The following MXI1 variants were observed in gnomAD, a reference collection of about 807,000 sequenced individuals.
MXI1 encodes MAX interactor 1, dimerization protein.
A neutral mutation model predicts 36.9 loss-of-function variants in MXI1; 18 were observed. The observed-to-expected ratio is 0.49, with a 90% CI of 0.34 to 0.72. MXI1 has a LOEUF of 0.72. Among genes scored for constraint, MXI1 ranks in the 30% least tolerant of loss-of-function variants. MXI1 has a pLI of 0.01. For missense variants in MXI1, 304 were observed against 379.1 expected, an observed-to-expected ratio of 0.80 and a Z score of 1.64; for synonymous variants, 160 against 146.7, an observed-to-expected ratio of 1.09 and a Z score of -0.65.
At chr10:110,261,034 T>C (rs1014255327) in intron 3 of MXI1, 1 of 984,932 alleles carries the variant, frequency 1.0e-6, no homozygotes, top group African/African-American at 1.7e-5. Context: ...CTGGATGGAG[T>C]GAGCCATATA....
rs1590419659 is a variant in MXI1, at chr10:110,285,968, A to G, written c.*981A>G. 2 of 152,632 alleles carry G rather than the reference A, an allele frequency of 1.3e-5. No individual in the cohort carries two copies. The highest frequency in any genetic ancestry group is 4.8e-5 in the African/African-American group (2 of 41,454). The allele number at this position is 152,632 out of a possible 1,614,324, so 9.5% of individuals were successfully genotyped here. ...CCATAAAAAAAAATAGATGTCTTTT[A>G]TAGTGGAAAAACACATGGGGAAAAA... On this transcript the variant is annotated 3_prime_UTR_variant, in exon 6 of 6. Coordinates refer to ENST00000332674, the MANE Select transcript of MXI1 (RefSeq NM_130439.3).
intron 2 of MXI1, among the ~76,000 whole-genome samples, chr10:110,234,394 G>A (rs929275227): frequency 6.6e-6 from 1 of 151,994 alleles, no homozygotes; most frequent in Non-Finnish European, 1.5e-5. Context: ...TGCATTTTTT[G>A]TTAGATTGTT....
intron 1 of MXI1, among the ~76,000 whole-genome samples, chr10:110,211,579 C>A (rs1404371353): frequency 6.6e-6 from 1 of 152,216 alleles, no homozygotes; most frequent in Non-Finnish European, 1.5e-5. Flanking sequence ...CAGGAGCTTG[C>A]CTTATTTTCC....
rs751153428 is a variant in MXI1 at position 110,255,578 on chromosome 10, A to G, written c.437+10721A>G. Among the ~76,000 whole-genome samples the G allele has an allele frequency of 2.0e-5, 3 of 152,344 alleles. No homozygotes were observed. The East Asian group carries it at 5.8e-4, about 29-fold the overall frequency. ...TACATGTACAATAGCATCTAAAAGAATAAAATACCTAGGAATAAATGTAAC... is the reference window on the plus strand; with the variant it reads ...TACATGTACAATAGCATCTAAAAGAGTAAAATACCTAGGAATAAATGTAAC... On this transcript the variant is annotated intron_variant, in intron 3 of 5. Coordinates refer to ENST00000332674, the MANE Select transcript of MXI1 (RefSeq NM_130439.3).
chr10:110,281,379 C>A (rs1222823284), intron 5 of MXI1, among the ~76,000 whole-genome samples: 1 of 152,114 alleles, frequency 6.6e-6, no homozygotes, highest in Non-Finnish European at 1.5e-5. Context: ...TTAATATCAT[C>A]TAATACCCAG....
intron 2 of MXI1, among the ~76,000 whole-genome samples, chr10:110,235,610 C>T (rs1855430576): frequency 6.6e-6 from 1 of 151,328 alleles, no homozygotes; most frequent in African/African-American, 2.4e-5. Context: ...ATGGTGTGAA[C>T]CCAAGAGGCA....
intron 3 of MXI1, chr10:110,261,003 T>G (rs1856492304): frequency 1.0e-6 from 1 of 985,206 alleles, no homozygotes; most frequent in Non-Finnish European, 1.2e-6. Context: ...CATCAGTCAC[T>G]TTAATAGGCT....
intron 1 of MXI1, chr10:110,227,585 G>GA (rs943986524): frequency 5.1e-6 from 5 of 978,110 alleles, no homozygotes; most frequent in Non-Finnish European, 6.1e-6. Context: ...ATGCTGGGGG[G>GA]GGTCAGGGGA....
At chr10:110,236,706 C>T (rs1411517041) in intron 2 of MXI1, among the ~76,000 whole-genome samples, 1 of 152,152 alleles carries the variant, frequency 6.6e-6, no homozygotes, top group Non-Finnish European at 1.5e-5. Context: ...TGCAGTCCTG[C>T]CACCTCTACC....
intron 1 of MXI1, among the ~76,000 whole-genome samples, chr10:110,221,964 C>T (rs970366744): frequency 6.6e-6 from 1 of 152,174 alleles, no homozygotes; most frequent in African/African-American, 2.4e-5. Context: ...TTACGTCATC[C>T]CTTCTAGACC....
intron 2 of MXI1, among the ~76,000 whole-genome samples, chr10:110,244,289 C>T (rs7916275): frequency 7.8e-4 from 119 of 151,918 alleles, no homozygotes; most frequent in African/African-American, 2.9e-3. Context: ...AATTTTCTTT[C>T]ATGTATAACT....
At chr10:110,226,469 G>GA (rs1564708066) in intron 1 of MXI1, 1 of 200,260 alleles carries the variant, frequency 5.0e-6, no homozygotes, top group African/African-American at 8.5e-5. Flanking sequence ...GGCGTGTGGG[G>GA]AGGGGAGCGC....
chr10:110,284,476 T>C (rs1857372756), intron 5 of MXI1, among the ~76,000 whole-genome samples: 1 of 152,230 alleles, frequency 6.6e-6, no homozygotes. Flanking sequence ...AGAATTAGTT[T>C]GTGGTTTAAT....
In MXI1 at chr10:110,207,761, G is replaced by A. The variant is rs924734059; in HGVS notation, c.-48G>A. 5.4e-6 allele frequency: 6 copies of A among 1,119,204 alleles called. No homozygotes were observed. The highest frequency in any genetic ancestry group is 6.6e-6 in the Non-Finnish European group (6 of 912,666). The allele number at this position is 1,119,204 out of a possible 1,614,324, so 69.3% of individuals were successfully genotyped here. A position where few individuals can be genotyped will look rare whatever the true frequency, so the allele number is the denominator to read the frequency against. ...CCCTGGGGGCCCGGAGCTCGGCCGG[G>A]CCGCGCAGCCCCGTTAGAGGACGAG... On this transcript the variant is annotated 5_prime_UTR_variant, in exon 1 of 6. Transcript: ENST00000332674.
chr10:110,246,590 AG>A (rs1212568439), intron 3 of MXI1, among the ~76,000 whole-genome samples: 1 of 152,192 alleles, frequency 6.6e-6, no homozygotes, highest in Non-Finnish European at 1.5e-5. Context: ...CTGAATAGGT[AG>A]CATTGTAATT....
intron 3 of MXI1, among the ~76,000 whole-genome samples, chr10:110,276,702 G>T (rs1857043184): frequency 6.6e-6 from 1 of 152,000 alleles, no homozygotes. Context: ...AATGATTAAA[G>T]AGAGAAAAAA....
At chr10:110,266,598 G>C (rs184458263) in intron 3 of MXI1, among the ~76,000 whole-genome samples, 2 of 152,200 alleles carry the variant, frequency 1.3e-5, no homozygotes, top group East Asian at 3.9e-4. Flanking sequence ...CAGTTCCTTA[G>C]CCCTCCATAA....
rs141273978 is a variant in MXI1, at chr10:110,272,109, C to A, written c.438-7071C>A. Among the ~76,000 whole-genome samples, 50 of 152,286 alleles carry A rather than the reference C, an allele frequency of 3.3e-4. No homozygotes were observed. The East Asian group carries it at 9.6e-3, about 29-fold the overall frequency. On this transcript the variant is annotated intron_variant, in intron 3 of 5. Coordinates refer to ENST00000332674, the MANE Select transcript of MXI1 (RefSeq NM_130439.3). ...CAGTTTGAACATAGATTCCTGGAGG[C>A]CCTGGGATGTAGTACAGGTTGAGCA...
In MXI1 at chr10:110,257,796, G is replaced by A. The variant is rs548048752; in HGVS notation, c.437+12939G>A. 1.0e-4 allele frequency: 35 copies of A among 349,964 alleles called. 2 individuals carry two copies. The highest frequency in any genetic ancestry group is 9.3e-4 in the South Asian group (33 of 35,468). 21.7% of individuals were successfully genotyped at this position (349,964 alleles called of 1,614,324 possible). ...AGACGCGTACTTTATAAGAACCAGTGGAAAGATGCCTGAGCTGCTGGAACC... is the reference window on the plus strand; with the variant it reads ...AGACGCGTACTTTATAAGAACCAGTAGAAAGATGCCTGAGCTGCTGGAACC... On this transcript the variant is annotated intron_variant, in intron 3 of 5. Coordinates refer to ENST00000332674, the MANE Select transcript of MXI1 (RefSeq NM_130439.3).
Sources: gnomAD v4.1 joint callset for allele counts (sites outside exome capture counted in the v4.1 genomes callset) on GRCh38, gnomAD v4.1.1 for gene constraint, MANE v1.5 for transcripts, NCBI Gene and HGNC (gene_info 2026-07-23, HGNC 2026-07-21) for gene names.